TRPS1: variants seen among roughly 807,000 people sequenced by gnomAD.
TRPS1 encodes the protein zinc finger transcription factor Trps1.
A neutral mutation model predicts 101.2 loss-of-function variants in TRPS1; 6 were observed. That is an observed-to-expected ratio of 0.06 (90% CI 0.03 to 0.12). TRPS1 has a LOEUF of 0.12. Ranked by LOEUF, TRPS1 falls within the 10% of genes least tolerant of loss-of-function variation. TRPS1 has a pLI of 1.00. For synonymous variants in TRPS1, 578 were observed against 589.8 expected, an observed-to-expected ratio of 0.98 and a Z score of 0.29; for missense variants, 1,363 against 1,567.0, an observed-to-expected ratio of 0.87 and a Z score of 2.20.
chr8:115,615,732 G>T (rs1351442216), intron 3 of TRPS1, among the ~76,000 whole-genome samples: 1 of 152,178 alleles, frequency 6.6e-6, no homozygotes, highest in Non-Finnish European at 1.5e-5. Flanking sequence ...CTGCACTCCA[G>T]CCTGGGTGAC....
chr8:115,566,543 T>TAGCCAG (rs955106589), intron 5 of TRPS1, among the ~76,000 whole-genome samples: 7 of 151,974 alleles, frequency 4.6e-5, no homozygotes, highest in African/African-American at 1.5e-4. Flanking sequence ...TTTTTTTTTG[T>TAGCCAG]AGCCAGCTGG....
intron 1 of TRPS1, among the ~76,000 whole-genome samples, chr8:115,649,626 T>C (rs115953848): frequency 0.016 from 2,407 of 152,276 alleles, 61 homozygotes; most frequent in African/African-American, 0.054. Context: ...TCAACCTAGC[T>C]CACCTATGGC....
intron 5 of TRPS1, among the ~76,000 whole-genome samples, chr8:115,489,050 C>G (rs1387191844): frequency 6.6e-6 from 1 of 152,054 alleles, no homozygotes; most frequent in Non-Finnish European, 1.5e-5. Flanking sequence ...ACCTTTTTGT[C>G]TACTGAAAAA....
intron 5 of TRPS1, among the ~76,000 whole-genome samples, chr8:115,575,831 A>G (rs1258749002): frequency 6.6e-6 from 1 of 152,154 alleles, no homozygotes; most frequent in Non-Finnish European, 1.5e-5. Flanking sequence ...CATCCATTAA[A>G]CAGAGTTTGA....
chr8:115,619,077 C>T, intron 3 of TRPS1, 55 bp downstream of exon 3: 1 of 1,590,736 alleles, frequency 6.3e-7, no homozygotes. Flanking sequence ...TATAAGAATT[C>T]ACATTTCATT....
chr8:115,642,779 AT>A (rs1818931113), intron 1 of TRPS1, among the ~76,000 whole-genome samples: 1 of 150,800 alleles, frequency 6.6e-6, no homozygotes, highest in Non-Finnish European at 1.5e-5. Context: ...CATTTTTATT[AT>A]TCCCCAAAAA....
At chr8:115,537,634 C>A (rs1816354248) in intron 5 of TRPS1, among the ~76,000 whole-genome samples, 1 of 152,040 alleles carries the variant, frequency 6.6e-6, no homozygotes, top group South Asian at 2.1e-4. Context: ...AAAGACATGT[C>A]CTGAGACTCC....
chr8:115,595,719 A>G (rs1000686585), intron 4 of TRPS1, among the ~76,000 whole-genome samples: 2 of 151,938 alleles, frequency 1.3e-5, no homozygotes, highest in African/African-American at 4.8e-5. Context: ...TATTTATACA[A>G]ATGTCAATGG....
chr8:115,539,774 C>T (rs948147555), intron 5 of TRPS1, among the ~76,000 whole-genome samples: 4 of 152,212 alleles, frequency 2.6e-5, no homozygotes, highest in Admixed American at 2.6e-4. Context: ...AGTAGGATTG[C>T]TTGAGCCCGG....
At chr8:115,490,455 T>A (rs1463608334) in intron 5 of TRPS1, among the ~76,000 whole-genome samples, 1 of 152,206 alleles carries the variant, frequency 6.6e-6, no homozygotes, top group Admixed American at 6.5e-5. Context: ...CATGTAATTT[T>A]GCATGCTTGC....
chr8:115,506,550 G>A (rs1385392026), intron 5 of TRPS1, among the ~76,000 whole-genome samples: 1 of 152,038 alleles, frequency 6.6e-6, no homozygotes, highest in Non-Finnish European at 1.5e-5. Flanking sequence ...AGCATTTAGA[G>A]AGACTGTTCC....
chr8:115,434,594 T>A (rs1813404059), intron 5 of TRPS1, among the ~76,000 whole-genome samples: 2 of 152,204 alleles, frequency 1.3e-5, no homozygotes, highest in African/African-American at 4.8e-5. Flanking sequence ...TTGGAATTCC[T>A]TTTATTAGAG....
intron 5 of TRPS1, among the ~76,000 whole-genome samples, chr8:115,467,281 C>T (rs944503729): frequency 3.9e-4 from 59 of 152,140 alleles, no homozygotes; most frequent in African/African-American, 1.2e-3. Context: ...GCAGCTCTGG[C>T]CTGTGGAAGG....
intron 5 of TRPS1, among the ~76,000 whole-genome samples, chr8:115,425,582 C>A (rs142525963): frequency 2.2e-4 from 34 of 152,260 alleles, no homozygotes; most frequent in Non-Finnish European, 3.7e-4. Flanking sequence ...GGGAGCTACC[C>A]GATATATCAG....
chr8:115,503,040 A>G (rs800914), intron 5 of TRPS1, among the ~76,000 whole-genome samples: 151,983 of 151,986 alleles, frequency 1, 75,990 homozygotes, highest in Middle Eastern at 1. Context: ...GAGGCAGGCA[A>G]ATCTCCAGGT....
At chr8:115,492,114 C>CA (rs1586328174) in intron 5 of TRPS1, 8 of 441,398 alleles carry the variant, frequency 1.8e-5, no homozygotes, top group East Asian at 1.4e-4. Flanking sequence ...AGATGAGAAA[C>CA]AAAAAATCCA....
chr8:115,433,851 C>CG (rs1334394946), intron 5 of TRPS1, among the ~76,000 whole-genome samples: 6 of 152,036 alleles, frequency 3.9e-5, no homozygotes, highest in Non-Finnish European at 8.8e-5. Flanking sequence ...AGGCATTTGC[C>CG]GGGGAAAAAT....
intron 3 of TRPS1, among the ~76,000 whole-genome samples, chr8:115,613,015 T>A (rs1247537010): frequency 1.3e-5 from 2 of 152,146 alleles, no homozygotes; most frequent in Non-Finnish European, 2.9e-5. Context: ...AAAAACAACC[T>A]AAATTGTGCC....
At chr8:115,600,055 T>C (rs1045078937) in intron 4 of TRPS1, among the ~76,000 whole-genome samples, 2 of 152,066 alleles carry the variant, frequency 1.3e-5, no homozygotes, top group African/African-American at 4.8e-5. Flanking sequence ...TGGTATCTCA[T>C]TGTGTTTTTG....
Sources: allele counts gnomAD v4.1 joint callset (sites outside exome capture counted in the v4.1 genomes callset), GRCh38; gene constraint gnomAD v4.1.1; transcripts MANE v1.5; gene names NCBI Gene and HGNC (gene_info 2026-07-23, HGNC 2026-07-21).